The following RIPOR3 variants were observed in gnomAD, a reference collection of about 807,000 sequenced individuals.
The protein encoded by RIPOR3 is RIPOR family member 3, also known as family with sequence similarity 65 member C.
In RIPOR3, 95 loss-of-function variants were observed where a neutral mutation model predicts 114.3. That is an observed-to-expected ratio of 0.83 (90% CI 0.70 to 0.99). RIPOR3 has a LOEUF of 0.99. Ranked by LOEUF, RIPOR3 falls within the 50% of genes least tolerant of loss-of-function variation. The probability of loss-of-function intolerance (pLI) is 0.00; values close to 1 mark genes in which losing one functional copy is unlikely to be tolerated. For synonymous variants in RIPOR3, 575 were observed against 543.8 expected (o/e 1.06, Z -0.80); for missense variants, 1,252 against 1,266.9 (o/e 0.99, Z 0.18).
rs1336921475 is a variant in RIPOR3, at chr20:50,609,675, G to A, written c.474C>T (p.Asp158=). ...AGGCCCGCTGCATGCTGGAGGCGCC[G>A]TCGCGCAGGCGGCACTGGATGCAGT... ...EDYCIQCRLR[D]GASSMQRAFA... is the part of the protein sequence containing the mutation. The change falls in exon 7 of 22, where the codon GAC becomes GAT. Residue 158 remains aspartate, a synonymous_variant. Transcript: ENST00000327979. The A allele has an allele frequency of 2.3e-5, 32 of 1,391,422 alleles. No homozygotes were observed. Among genetic ancestry groups the A allele is most frequent in the Non-Finnish European group, 2.8e-5 (30 of 1,073,158 alleles). 86.2% of individuals were successfully genotyped at this position (1,391,422 alleles called of 1,614,324 possible). A position where few individuals can be genotyped will look rare whatever the true frequency, so the allele number is the denominator to read the frequency against.
At chr20:50,675,544 T>C in intron 1 of RIPOR3, among the ~76,000 whole-genome samples, 1 of 152,220 alleles carries the variant, frequency 6.6e-6, no homozygotes, top group African/African-American at 2.4e-5. Context: ...CAACTGTGTA[T>C]GCCAAGTGCT....
At chr20:50,625,350 G>A (rs2084580548) in intron 2 of RIPOR3, among the ~76,000 whole-genome samples, 3 of 152,194 alleles carry the variant, frequency 2.0e-5, no homozygotes, top group Non-Finnish European at 4.4e-5. Context: ...GGGATTGCAG[G>A]CGTGAGCCAC....
At chr20:50,592,857 C>T (rs892981299) in intron 18 of RIPOR3, among the ~76,000 whole-genome samples, 178 bp downstream of exon 18, 2 of 152,232 alleles carry the variant, frequency 1.3e-5, no homozygotes, top group Admixed American at 6.5e-5. Flanking sequence ...AAGCTGACTT[C>T]CCTTGGAGCT....
intron 1 of RIPOR3, among the ~76,000 whole-genome samples, chr20:50,633,510 C>G (rs2084886816): frequency 6.6e-6 from 1 of 152,132 alleles, no homozygotes; most frequent in South Asian, 2.1e-4. Flanking sequence ...GCTTGATCCC[C>G]CCAGCCAAGC....
At chr20:50,666,245 C>G (rs113025218) in intron 1 of RIPOR3, among the ~76,000 whole-genome samples, 954 of 45,674 alleles carry the variant, frequency 0.021, 44 homozygotes, top group African/African-American at 0.05. Flanking sequence ...GAGTCACGCT[C>G]TGTTGCCCAG....
chr20:50,622,073 C>T (rs930038664), intron 2 of RIPOR3, among the ~76,000 whole-genome samples: 5 of 152,188 alleles, frequency 3.3e-5, no homozygotes, highest in Admixed American at 2.6e-4. Flanking sequence ...GCTCTTAGCC[C>T]TCTAAAGCCA....
chr20:50,598,354 TG>T (rs2083373925), intron 13 of RIPOR3, among the ~76,000 whole-genome samples: 2 of 152,136 alleles, frequency 1.3e-5, no homozygotes, highest in Admixed American at 1.3e-4. Context: ...TGGAGATTTC[TG>T]TCTTGTCCCC....
At chr20:50,666,900 T>C (rs982886324) in intron 1 of RIPOR3, among the ~76,000 whole-genome samples, 4 of 152,138 alleles carry the variant, frequency 2.6e-5, no homozygotes, top group Non-Finnish European at 5.9e-5. Context: ...AAACATCTTA[T>C]CTGCATGATC....
intron 1 of RIPOR3, among the ~76,000 whole-genome samples, chr20:50,690,139 T>C (rs1265036180): frequency 6.6e-6 from 1 of 152,248 alleles, no homozygotes; most frequent in Non-Finnish European, 1.5e-5. Flanking sequence ...AGGGGAGGCA[T>C]GTGGAAAGCG....
In RIPOR3 at chr20:50,595,368, C is replaced by A; in HGVS notation, c.2050+1G>T. 2 of 1,613,118 alleles carry A rather than the reference C, an allele frequency of 1.2e-6. No individual in the cohort carries two copies. The highest frequency in any genetic ancestry group is 1.7e-6 in the Non-Finnish European group (2 of 1,179,228). On this transcript the variant is annotated splice_donor_variant, in intron 16 of 21. Coordinates refer to ENST00000327979, the MANE Select transcript of RIPOR3 (RefSeq NM_001290268.2). LOFTEE classifies it high-confidence loss of function. The stretch of plus-strand genomic sequence containing the variant: ...CCCCTGGGTGGCAGGCAGCTACTTA[C>A]TCTCTTCAATGGATGTTGCCTTGCC...
At chr20:50,587,996 G>C (rs1358077800) in intron 20 of RIPOR3, 104 bp from the exon 21 acceptor site, 1 of 1,043,894 alleles carries the variant, frequency 9.6e-7, no homozygotes, top group African/African-American at 1.6e-5. Context: ...GGTCTCTGGG[G>C]CCTCAGCCCC....
intron 11 of RIPOR3, among the ~76,000 whole-genome samples, chr20:50,607,774 G>C (rs866335599): frequency 2.0e-5 from 3 of 152,176 alleles, no homozygotes; most frequent in Admixed American, 2.0e-4. Context: ...AGAGAGGAGA[G>C]AGACCAGCCC....
In RIPOR3 at chr20:50,602,630, C is replaced by G. The variant is rs1326930532; in HGVS notation, c.1101G>C (p.Gln367His). The change falls in exon 13 of 22, where the codon CAG (glutamine) becomes CAC (histidine). Residue 367 changes from glutamine to histidine, a missense_variant. Transcript: ENST00000327979. This position sits in a 1 kb window ranked among gnomAD's most constrained non-coding sequence, Gnocchi z 4.3. ...RERYYLSVLQ[Q>H]PTQQALLLGG... ...CCAGCAGCAAGGCCTGCTGTGTTGG[C>G]TGCTGTAGGACAGACTGGAGAGGGG... 1 of 1,505,836 alleles carries G rather than the reference C, an allele frequency of 6.6e-7. No individual in the cohort carries two copies. Among genetic ancestry groups the G allele is most frequent in the Non-Finnish European group, 8.9e-7 (1 of 1,127,800 alleles). The allele number at this position is 1,505,836 out of a possible 1,614,324, so 93.3% of individuals were successfully genotyped here.
In RIPOR3 at chr20:50,602,284, G is replaced by A; in HGVS notation, c.1447C>T (p.Leu483=). The A allele has an allele frequency of 4.3e-6, 7 of 1,613,934 alleles. No homozygotes were observed. Among genetic ancestry groups the A allele is most frequent in the Non-Finnish European group, 5.9e-6 (7 of 1,179,950 alleles). Residue 483 remains leucine (L), a synonymous_variant, in exon 13 of 22, where the codon CTG becomes TTG. Coordinates refer to ENST00000327979, the MANE Select transcript of RIPOR3 (RefSeq NM_001290268.2). The surrounding 1 kb of genome is among the most constrained non-coding windows in gnomAD (Gnocchi z 4.3). ...CTGTGGAACAGGGAGCCCTGTGGCA[G>A]GCTGGGGCTCTCCCCTCCTAAGTTC... ...WRNLGGESPS[L]PQGSLFHSGT...
chr20:50,641,070 TG>T (rs2085174638), intron 1 of RIPOR3, among the ~76,000 whole-genome samples: 1 of 148,100 alleles, frequency 6.8e-6, no homozygotes, highest in Non-Finnish European at 1.5e-5. Flanking sequence ...CCACCACGCC[TG>T]GGTAATTTTT....
intron 1 of RIPOR3, among the ~76,000 whole-genome samples, chr20:50,665,537 C>T (rs964710653): frequency 6.6e-6 from 1 of 151,324 alleles, no homozygotes; most frequent in Non-Finnish European, 1.5e-5. Flanking sequence ...TCTCCTGCCT[C>T]AGCCTCCTGA....
At position 50,609,327 on chromosome 20, in the gene RIPOR3, C is replaced by T. The variant is rs550855980; in HGVS notation, c.606G>A (p.Glu202=). The T allele has an allele frequency of 1.2e-6, 2 of 1,613,942 alleles. No homozygotes were observed. Among genetic ancestry groups the T allele is most frequent in the Non-Finnish European group, 1.7e-6 (2 of 1,179,868 alleles). ...TGATGTGGAACTCGCCCAGGTGAAC[C>T]TCCAGGGCCCCCTCGATGAGCCACA... ...EDMWLIEGAL[E]VHLGEFHIRM... The change falls in exon 8 of 22, where the codon GAG becomes GAA. Residue 202 remains glutamate (E), a synonymous_variant. Coordinates refer to ENST00000327979, the MANE Select transcript of RIPOR3 (RefSeq NM_001290268.2).
chr20:50,665,533 G>C (rs1053730203), intron 1 of RIPOR3, among the ~76,000 whole-genome samples: 1 of 146,238 alleles, frequency 6.8e-6, no homozygotes, highest in African/African-American at 2.5e-5. Flanking sequence ...CAATTCTCCT[G>C]CCTCAGCCTC....
chr20:50,687,128 C>T (rs142981425), intron 1 of RIPOR3, among the ~76,000 whole-genome samples: 86 of 152,340 alleles, frequency 5.6e-4, no homozygotes, highest in African/African-American at 1.7e-3. Flanking sequence ...AGACTAGAAA[C>T]GGAAGAGGAC....
Sources: allele counts gnomAD v4.1 joint callset (sites outside exome capture counted in the v4.1 genomes callset), GRCh38; gene constraint gnomAD v4.1.1; non-coding constraint Gnocchi (gnomAD v3.1); transcripts MANE v1.5; gene names NCBI Gene and HGNC (gene_info 2026-07-23, HGNC 2026-07-21).